RNF13: variants seen among roughly 807,000 people sequenced by gnomAD.
The protein encoded by RNF13 is ring finger protein 13.
A neutral mutation model predicts 37.7 loss-of-function variants in RNF13; 19 were observed. The observed-to-expected ratio is 0.50, with a 90% CI of 0.35 to 0.74. The LOEUF is 0.74. Ranked by LOEUF, RNF13 falls within the 30% of genes least tolerant of loss-of-function variation. RNF13 has a pLI of 0.01. For synonymous variants in RNF13, 144 were observed against 157.8 expected (o/e 0.91, Z 0.65); for missense variants, 375 against 453.0 (o/e 0.83, Z 1.56).
intron 5 of RNF13, among the ~76,000 whole-genome samples, chr3:149,901,719 G>A (rs1486155907): frequency 2.0e-5 from 3 of 152,120 alleles, no homozygotes; most frequent in Admixed American, 6.6e-5. Flanking sequence ...TAGGAATTAA[G>A]TTATGTGTGG....
chr3:149,912,097 C>T lies in RNF13; in HGVS notation c.606+14C>T, dbSNP rs73157016. The T allele has an allele frequency of 0.02, 26,415 of 1,299,590 alleles. 358 individuals are homozygous for T. Among genetic ancestry groups the T allele is most frequent in the Non-Finnish European group, 0.024 (21,757 of 909,704 alleles). The allele number at this position is 1,299,590 out of a possible 1,614,324, so 80.5% of individuals were successfully genotyped here. A position where few individuals can be genotyped will look rare whatever the true frequency, so the allele number is the denominator to read the frequency against. On this transcript the variant is annotated intron_variant, in intron 7 of 9. Transcript: ENST00000392894. ...GTCATTTTCATGGTAGGTACATTAA[C>T]TTTTAATAATTTTTAAAAAATAGTA... is the stretch of plus-strand genomic sequence containing the variant.
intron 4 of RNF13, among the ~76,000 whole-genome samples, chr3:149,878,780 C>T (rs1001139204): frequency 6.6e-6 from 1 of 152,116 alleles, no homozygotes; most frequent in African/African-American, 2.4e-5. Context: ...ATTTTCTTCC[C>T]TTATAGAATA....
In RNF13 at chr3:149,853,410, A is replaced by G. The variant is rs1042553758; in HGVS notation, c.195+814A>G. ...TGCTAATTTGATTTTAAAAAATCTA[A>G]TGAACTTAAACATATTTTTTGCTGT... On this transcript the variant is annotated intron_variant, in intron 3 of 9. Coordinates refer to ENST00000392894, the MANE Select transcript of RNF13 (RefSeq NM_183381.3). Among the ~76,000 whole-genome samples the G allele has an allele frequency of 6.0e-5, 9 of 150,492 alleles. No homozygotes were observed. In the East Asian group the frequency reaches 8.0e-4, roughly 13 times the overall value.
At chr3:149,849,044 T>G (rs1266536668) in intron 2 of RNF13, among the ~76,000 whole-genome samples, 11 of 152,220 alleles carry the variant, frequency 7.2e-5, no homozygotes, top group Admixed American at 7.2e-4. Context: ...ATAGCATCTG[T>G]TCCTTAGTAC....
intron 1 of RNF13, among the ~76,000 whole-genome samples, chr3:149,819,589 A>T (rs1339638357): frequency 1.3e-5 from 2 of 152,192 alleles, no homozygotes; most frequent in African/African-American, 4.8e-5. Context: ...GTTGTGTTGC[A>T]TTTTGGTGGC....
At chr3:149,814,636 G>A (rs1349754174) in intron 1 of RNF13, among the ~76,000 whole-genome samples, 2 of 152,158 alleles carry the variant, frequency 1.3e-5, no homozygotes, top group African/African-American at 2.4e-5. Flanking sequence ...AGAAGCTTTT[G>A]TTTCAGTTTT....
At chr3:149,913,899 C>G (rs1392545674) in intron 7 of RNF13, among the ~76,000 whole-genome samples, 3 of 152,136 alleles carry the variant, frequency 2.0e-5, no homozygotes, top group Non-Finnish European at 1.5e-5. Flanking sequence ...TTTTTCTACT[C>G]TTTTCTTTCT....
intron 6 of RNF13, among the ~76,000 whole-genome samples, chr3:149,911,308 C>T (rs967800415): frequency 3.3e-5 from 5 of 152,134 alleles, no homozygotes; most frequent in African/African-American, 1.2e-4. Flanking sequence ...ACCCAAGGTA[C>T]TACCATGATT....
intron 1 of RNF13, among the ~76,000 whole-genome samples, chr3:149,838,709 G>C (rs1414093656): frequency 6.6e-6 from 1 of 152,254 alleles, no homozygotes; most frequent in East Asian, 1.9e-4. Flanking sequence ...CCTGTGATGG[G>C]AGAGGCTGCC....
intron 7 of RNF13, among the ~76,000 whole-genome samples, chr3:149,918,694 T>G (rs1360783508): frequency 1.0e-5 from 1 of 100,276 alleles, no homozygotes; most frequent in Non-Finnish European, 2.3e-5. Context: ...CAGCTAATTG[T>G]TTTTTTTTTT....
At chr3:149,904,021 T>C (rs1031262295) in intron 6 of RNF13, among the ~76,000 whole-genome samples, 1 of 151,850 alleles carries the variant, frequency 6.6e-6, no homozygotes, top group African/African-American at 2.4e-5. Context: ...TCTATTTATC[T>C]GTCTGTCTGT....
intron 8 of RNF13, among the ~76,000 whole-genome samples, chr3:149,947,866 G>A (rs1332073821): frequency 1.3e-5 from 2 of 151,904 alleles, no homozygotes; most frequent in African/African-American, 4.8e-5. Context: ...TATTCTGTTT[G>A]ATATATGTAT....
At chr3:149,952,805 A>G (rs796725850) in intron 8 of RNF13, among the ~76,000 whole-genome samples, 12 of 152,188 alleles carry the variant, frequency 7.9e-5, no homozygotes, top group African/African-American at 2.9e-4. Flanking sequence ...CTCCATGTCA[A>G]TCAGGCTATT....
chr3:149,958,696 A>T (rs1722093197), intron 8 of RNF13, among the ~76,000 whole-genome samples: 1 of 152,234 alleles, frequency 6.6e-6, no homozygotes, highest in Non-Finnish European at 1.5e-5. Flanking sequence ...CTCAAAGTCC[A>T]TGTAAATAGA....
chr3:149,907,488 G>A (rs1029765509), intron 6 of RNF13, among the ~76,000 whole-genome samples: 3 of 152,088 alleles, frequency 2.0e-5, no homozygotes, highest in African/African-American at 7.2e-5. Context: ...TTTAACAATA[G>A]TCCATTGTTT....
chr3:149,953,637 T>C (rs142128564), intron 8 of RNF13, among the ~76,000 whole-genome samples: 1 of 152,156 alleles, frequency 6.6e-6, no homozygotes, highest in Non-Finnish European at 1.5e-5. Flanking sequence ...ATACATAACC[T>C]AGGAGGCAAT....
intron 3 of RNF13, among the ~76,000 whole-genome samples, chr3:149,864,290 A>G (rs1373844986): frequency 2.0e-5 from 3 of 151,612 alleles, no homozygotes; most frequent in Non-Finnish European, 4.4e-5. Context: ...TCATCATGTG[A>G]TCTCTTCTCA....
intron 8 of RNF13, among the ~76,000 whole-genome samples, chr3:149,938,780 ATACT>A (rs1236580289): frequency 3.9e-5 from 6 of 152,038 alleles, no homozygotes; most frequent in Non-Finnish European, 7.4e-5. Flanking sequence ...CATTCCATAC[ATACT>A]TAAAACCAAG....
chr3:149,888,102 A>G, intron 4 of RNF13, among the ~76,000 whole-genome samples: 1 of 152,136 alleles, frequency 6.6e-6, no homozygotes, highest in East Asian at 1.9e-4. Flanking sequence ...TTTATTCCTA[A>G]ACCATGGTAG....
Sources: gnomAD v4.1 joint callset for allele counts (sites outside exome capture counted in the v4.1 genomes callset) on GRCh38, gnomAD v4.1.1 for gene constraint, MANE v1.5 for transcripts, NCBI Gene and HGNC (gene_info 2026-07-23, HGNC 2026-07-21) for gene names.